Variants in DCAF5 observed in about 807,000 individuals in gnomAD.
DCAF5 encodes DDB1 and CUL4 associated factor 5.
Under a neutral mutation model 80.7 loss-of-function variants are expected in DCAF5, and 9 were observed. That is an observed-to-expected ratio of 0.11 (90% confidence interval 0.07 to 0.19). The LOEUF (loss-of-function observed/expected upper bound fraction) is 0.19, where lower values mean the gene tolerates loss of function less well. Among genes scored for constraint, DCAF5 ranks in the 10% least tolerant of loss-of-function variants. DCAF5 has a pLI of 1.00. For synonymous variants in DCAF5, 433 were observed against 461.9 expected (o/e 0.94, Z 0.80); for missense variants, 842 against 1,205.7 (o/e 0.70, Z 4.47).
At position 69,053,646 on chromosome 14, in the gene DCAF5, C is replaced by T; in HGVS notation, c.*211G>A. The T allele has an allele frequency of 1.9e-6, 1 of 531,904 alleles. No individual in the cohort carries two copies. The highest frequency in any genetic ancestry group is 2.7e-5 in the South Asian group (1 of 37,050). The allele number at this position is 531,904 out of a possible 1,614,324, so 32.9% of individuals were successfully genotyped here. ...AGTCACTTGGGTTATTTTTTTTTCC[C>T]CTTTCTTAACACAGCACAAGCCAAT... is the stretch of plus-strand genomic sequence containing the variant. On this transcript the variant is annotated 3_prime_UTR_variant, in exon 9 of 9. Coordinates refer to ENST00000341516, the MANE Select transcript of DCAF5 (RefSeq NM_003861.3).
intron 6 of DCAF5, among the ~76,000 whole-genome samples, chr14:69,079,559 C>T (rs891501291): frequency 4.6e-5 from 7 of 152,174 alleles, no homozygotes; most frequent in Admixed American, 6.5e-5. Context: ...TGGCATTTCA[C>T]GGTTGTCTGC....
chr14:69,130,360 T>C (rs924137882), intron 1 of DCAF5, among the ~76,000 whole-genome samples: 1 of 152,226 alleles, frequency 6.6e-6, no homozygotes, highest in Admixed American at 6.5e-5. Context: ...ATTGTATGAT[T>C]CCACTTACAT....
In DCAF5 at chr14:69,118,075, C is replaced by G; in HGVS notation, c.535+64G>C. The G allele has an allele frequency of 6.3e-7, 1 of 1,592,086 alleles. No individual in the cohort carries two copies. Among genetic ancestry groups the G allele is most frequent in the Non-Finnish European group, 8.6e-7 (1 of 1,164,218 alleles). On this transcript the variant is annotated intron_variant, in intron 4 of 8. Transcript: ENST00000341516. The surrounding 1 kb of genome is among the most constrained non-coding windows in gnomAD (Gnocchi z 4.0). The stretch of plus-strand genomic sequence containing the variant: ...TAGATACTGAGGTAATAAATTGGAT[C>G]TTCAATGAATCTGACATCAAACTGT...
intron 6 of DCAF5, among the ~76,000 whole-genome samples, chr14:69,076,316 A>C (rs2038897029): frequency 6.6e-6 from 1 of 152,220 alleles, no homozygotes; most frequent in Non-Finnish European, 1.5e-5. Flanking sequence ...GAAAGCACGG[A>C]CTCTAAGAGA....
intron 6 of DCAF5, among the ~76,000 whole-genome samples, chr14:69,079,704 A>C (rs1175982037): frequency 6.6e-6 from 1 of 152,198 alleles, no homozygotes; most frequent in Admixed American, 6.5e-5. Flanking sequence ...GCATTGTTCC[A>C]GGGAAGGGAA....
At position 69,065,652 on chromosome 14, in the gene DCAF5, T is replaced by A. The variant is rs535628559; in HGVS notation, c.947-3141A>T. Reference sequence around the variant, plus strand: ...TTCCCAGGTTTGATATTATTGAATATAGCTGCTACTGAACAGTTTACGTAC... The same window carrying A: ...TTCCCAGGTTTGATATTATTGAATAAAGCTGCTACTGAACAGTTTACGTAC... On this transcript the variant is annotated intron_variant, in intron 7 of 8. Coordinates refer to ENST00000341516, the MANE Select transcript of DCAF5 (RefSeq NM_003861.3). Among the ~76,000 whole-genome samples, 3 of 152,370 alleles carry A rather than the reference T, an allele frequency of 2.0e-5. 1 individual carries two copies. In the South Asian group the frequency reaches 6.2e-4, roughly 32 times the overall value.
chr14:69,055,757 C>A lies in DCAF5; in HGVS notation c.1075-146G>T. On this transcript the variant is annotated intron_variant, in intron 8 of 8. Transcript: ENST00000341516. The surrounding 1 kb of genome is among the most constrained non-coding windows in gnomAD (Gnocchi z 5.6). ...TTGCTAACCAACTTAAAAATAAGTTCTTTACCAGACTGGATCATGTGGGTT... is the reference window on the plus strand; with the variant it reads ...TTGCTAACCAACTTAAAAATAAGTTATTTACCAGACTGGATCATGTGGGTT... The A allele has an allele frequency of 3.7e-6, 3 of 805,176 alleles. No individual in the cohort carries two copies. The highest frequency in any genetic ancestry group is 1.9e-6 in the Non-Finnish European group (1 of 519,194). 49.9% of individuals were successfully genotyped at this position (805,176 alleles called of 1,614,324 possible). A position where few individuals can be genotyped will look rare whatever the true frequency, so the allele number is the denominator to read the frequency against.
At chr14:69,080,198 A>C (rs2039049182) in intron 6 of DCAF5, among the ~76,000 whole-genome samples, 1 of 152,196 alleles carries the variant, frequency 6.6e-6, no homozygotes, top group African/African-American at 2.4e-5. Flanking sequence ...AAGAGCAGCT[A>C]GAAAGATTCC....
chr14:69,104,858 TAAA>T (rs879449258), intron 5 of DCAF5, among the ~76,000 whole-genome samples: 1 of 142,230 alleles, frequency 7.0e-6, no homozygotes, highest in Non-Finnish European at 1.5e-5. Flanking sequence ...ACTCTGTCTT[TAAA>T]AAAAAAAAAA....
At chr14:69,125,602 A>T (rs1291359306) in intron 1 of DCAF5, among the ~76,000 whole-genome samples, 1 of 152,254 alleles carries the variant, frequency 6.6e-6, no homozygotes, top group Admixed American at 6.5e-5. Flanking sequence ...AAGGGAATGT[A>T]CAAGAAAGTT....
intron 6 of DCAF5, among the ~76,000 whole-genome samples, chr14:69,083,045 C>T (rs10498527): frequency 0.68 from 103,522 of 152,058 alleles, 35,563 homozygotes; most frequent in East Asian, 0.97. Context: ...TGAACGATTA[C>T]AAACCAGACC....
intron 7 of DCAF5, among the ~76,000 whole-genome samples, chr14:69,073,179 T>C (rs1309770948): frequency 6.6e-6 from 1 of 152,184 alleles, no homozygotes; most frequent in African/African-American, 2.4e-5. Context: ...GACATAACTA[T>C]TTTTTAAGGA....
At chr14:69,117,836 A>G (rs936953721) in intron 4 of DCAF5, among the ~76,000 whole-genome samples, 4 of 152,202 alleles carry the variant, frequency 2.6e-5, no homozygotes, top group African/African-American at 9.7e-5. Flanking sequence ...TCTGTAAATA[A>G]TCAAGAATAG....
intron 5 of DCAF5, among the ~76,000 whole-genome samples, chr14:69,110,876 CAAAAAAAAA>C (rs35812611): frequency 2.6e-4 from 12 of 45,528 alleles, no homozygotes; most frequent in African/African-American, 7.1e-4. Context: ...GACCCTGTCT[CAAAAAAAAA>C]AAAAAAAAAA....
intron 6 of DCAF5, among the ~76,000 whole-genome samples, chr14:69,079,201 G>A (rs1238123279): frequency 2.6e-5 from 4 of 152,114 alleles, no homozygotes; most frequent in East Asian, 3.8e-4. Flanking sequence ...CTATTTGTTC[G>A]GCTATTCATC....
Position 69,055,598 on chromosome 14 carries a change from T to TA in DCAF5, c.1087dup (p.Tyr363LeufsTer15). 1 of 1,601,030 alleles carries TA rather than the reference T, an allele frequency of 6.2e-7. No individual in the cohort carries two copies. Among genetic ancestry groups the TA allele is most frequent in the Non-Finnish European group, 8.6e-7 (1 of 1,168,908 alleles). ...GTCTCCAGTACATCCTGGCTGCTTGTATGGGCTCCAGATCTGAACAGAAAA... is the reference window on the plus strand; with the variant it reads ...GTCTCCAGTACATCCTGGCTGCTTGTAATGGGCTCCAGATCTGAACAGAAAA... On this transcript the variant is annotated frameshift_variant, in exon 9 of 9. Coordinates refer to ENST00000341516, the MANE Select transcript of DCAF5 (RefSeq NM_003861.3). LOFTEE classifies it high-confidence loss of function. The surrounding 1 kb of genome is among the most constrained non-coding windows in gnomAD (Gnocchi z 5.6).
intron 7 of DCAF5, among the ~76,000 whole-genome samples, chr14:69,072,553 A>G (rs1454019731): frequency 1.3e-5 from 2 of 149,080 alleles, no homozygotes; most frequent in African/African-American, 4.9e-5. Context: ...GGCTGTATGC[A>G]GTATGCTATG....
At chr14:69,074,304 AAC>A (rs1566731953) in intron 7 of DCAF5, among the ~76,000 whole-genome samples, 1 of 152,194 alleles carries the variant, frequency 6.6e-6, no homozygotes, top group Non-Finnish European at 1.5e-5. Context: ...GAGTATTAAA[AAC>A]AGACATTTTT....
chr14:69,131,136 C>T lies in DCAF5; in HGVS notation c.215-8776G>A, dbSNP rs185021215. Among the ~76,000 whole-genome samples, 10 of 152,302 alleles carry T rather than the reference C, an allele frequency of 6.6e-5. No individual in the cohort carries two copies. In the South Asian group the frequency reaches 1.9e-3, roughly 28 times the overall value. ...GAATATGAATAGTATGATACAATTA[C>T]ACAAAAACATACACAAATTTATACA... On this transcript the variant is annotated intron_variant, in intron 1 of 8. Coordinates refer to ENST00000341516, the MANE Select transcript of DCAF5 (RefSeq NM_003861.3).
Sources: gnomAD v4.1 joint callset for allele counts (sites outside exome capture counted in the v4.1 genomes callset) on GRCh38, gnomAD v4.1.1 for gene constraint, Gnocchi (gnomAD v3.1) non-coding constraint, MANE v1.5 for transcripts, NCBI Gene and HGNC (gene_info 2026-07-23, HGNC 2026-07-21) for gene names.